The following RGPD2 variants were observed in gnomAD, a reference collection of about 807,000 sequenced individuals.
RGPD2 encodes the protein RANBP2-like and GRIP domain-containing protein 2.
A neutral mutation model predicts 36.0 loss-of-function variants in RGPD2; 2 were observed. The observed-to-expected ratio is 0.06, with a 90% CI of 0.02 to 0.17. RGPD2 has a LOEUF of 0.17. Among genes scored for constraint, RGPD2 ranks in the 10% least tolerant of loss-of-function variants. The pLI, the probability that RGPD2 is intolerant of heterozygous loss-of-function variation, is 1.00. For synonymous variants in RGPD2, 19 were observed against 163.8 expected, an observed-to-expected ratio of 0.12 and a Z score of 6.75; for missense variants, 40 against 464.3, an observed-to-expected ratio of 0.09 and a Z score of 8.40.
rs1205005326 is a variant in RGPD2 at position 87,756,294 on chromosome 2, T to C, written c.*1098A>G. The stretch of plus-strand genomic sequence containing the variant: ...AACCATTTACAGTAGACCACAATTT[T>C]ATAGTCCTGTTTGGCACTTTTTCAT... On this transcript the variant is annotated 3_prime_UTR_variant, in exon 23 of 23. Coordinates refer to ENST00000398146, the MANE Select transcript of RGPD2 (RefSeq NM_001078170.3). 1 of 66,058 alleles carries C rather than the reference T, an allele frequency of 1.5e-5. No individual in the cohort carries two copies. Among genetic ancestry groups the C allele is most frequent in the Non-Finnish European group, 3.0e-5 (1 of 32,944 alleles). The allele number at this position is 66,058 out of a possible 1,614,324, so 4.1% of individuals were successfully genotyped here.
chr2:87,877,565 A>G, the RGPD2 span, among the ~76,000 whole-genome samples: 1 of 152,218 alleles, frequency 6.6e-6, no homozygotes, highest in Non-Finnish European at 1.5e-5. Context: ...GCACTTTGGG[A>G]GGCCGAGGAG....
chr2:87,883,251 G>C, the RGPD2 span, among the ~76,000 whole-genome samples: 1 of 151,320 alleles, frequency 6.6e-6, no homozygotes, highest in African/African-American at 2.4e-5. Flanking sequence ...GAAATAGCTT[G>C]TTACAAGTAT....
the RGPD2 span, among the ~76,000 whole-genome samples, chr2:87,919,148 G>T: frequency 6.6e-6 from 1 of 151,884 alleles, no homozygotes; most frequent in Non-Finnish European, 1.5e-5. Flanking sequence ...TTATTAAACA[G>T]AAATACCAAA....
At chr2:87,885,220 T>A in the RGPD2 span, among the ~76,000 whole-genome samples, 1 of 152,110 alleles carries the variant, frequency 6.6e-6, no homozygotes, top group Non-Finnish European at 1.5e-5. Flanking sequence ...ATAAATGTGA[T>A]ATGTCACATC....
chr2:87,839,541 A>G, the RGPD2 span, among the ~76,000 whole-genome samples: 1 of 152,070 alleles, frequency 6.6e-6, no homozygotes, highest in Non-Finnish European at 1.5e-5. Context: ...TCAGTGGAGG[A>G]CTGGATAAAG....
chr2:87,861,134 G>GT, the RGPD2 span, among the ~76,000 whole-genome samples: 2,150 of 116,322 alleles, frequency 0.018, 13 homozygotes, highest in African/African-American at 0.056. Context: ...TTGTGTAAGT[G>GT]TTTTTTTTTT....
At chr2:87,890,918 TC>T in the RGPD2 span, among the ~76,000 whole-genome samples, 1 of 63,938 alleles carries the variant, frequency 1.6e-5, no homozygotes, top group Non-Finnish European at 3.0e-5. Context: ...TTGAGTTTTT[TC>T]CTGTTTCTAG....
intron 8 of RGPD2, among the ~76,000 whole-genome samples, chr2:87,798,628 G>A (rs1685778341): frequency 1.2e-5 from 1 of 86,298 alleles, no homozygotes; most frequent in Non-Finnish European, 2.5e-5. Context: ...GGCCAAGCTG[G>A]GTGGATAATG....
intron 21 of RGPD2, among the ~76,000 whole-genome samples, chr2:87,772,857 A>T (rs2104256963): frequency 6.6e-6 from 1 of 150,912 alleles, no homozygotes; most frequent in South Asian, 2.1e-4. Flanking sequence ...CATCCTGTGT[A>T]AATACTGGAG....
At chr2:87,866,878 C>G in the RGPD2 span, among the ~76,000 whole-genome samples, 1 of 152,270 alleles carries the variant, frequency 6.6e-6, no homozygotes, top group East Asian at 1.9e-4. Context: ...GTCTTTCCTC[C>G]CCGGGCGAGA....
chr2:87,842,229 G>A, the RGPD2 span, among the ~76,000 whole-genome samples: 1 of 151,264 alleles, frequency 6.6e-6, no homozygotes, highest in African/African-American at 2.4e-5. Flanking sequence ...GCAGGAGAAG[G>A]AAATAAAGGG....
chr2:87,809,512 C>G (rs1686080942), intron 6 of RGPD2, among the ~76,000 whole-genome samples: 1 of 131,430 alleles, frequency 7.6e-6, no homozygotes, highest in Non-Finnish European at 1.7e-5. Flanking sequence ...ACTAAAAATA[C>G]AAAAAAATTA....
chr2:87,829,503 C>CA (rs565291092), upstream of RGPD2, among the ~76,000 whole-genome samples: 593 of 152,138 alleles, frequency 3.9e-3, 1 homozygote, highest in Non-Finnish European at 6.5e-3. Flanking sequence ...TTTAAAAAAA[C>CA]AAAAAAACAG....
At chr2:87,984,138 CCATT>C in the RGPD2 span, among the ~76,000 whole-genome samples, 1 of 149,720 alleles carries the variant, frequency 6.7e-6, no homozygotes, top group Non-Finnish European at 1.5e-5. Flanking sequence ...TTTGAAAAAA[CCATT>C]CCCATTTACT....
the RGPD2 span, among the ~76,000 whole-genome samples, chr2:87,978,297 T>C: frequency 6.8e-6 from 1 of 147,602 alleles, no homozygotes; most frequent in Non-Finnish European, 1.5e-5. Context: ...TACAAGTTGA[T>C]AAAGATTTGA....
the RGPD2 span, chr2:87,986,005 G>A: frequency 1.3e-4 from 109 of 843,934 alleles, 2 homozygotes; most frequent in South Asian, 1.4e-3. Flanking sequence ...CTTCTACTAT[G>A]TAAAGGCCAA....
At chr2:87,846,461 G>A in the RGPD2 span, among the ~76,000 whole-genome samples, 1 of 151,984 alleles carries the variant, frequency 6.6e-6, no homozygotes, top group Non-Finnish European at 1.5e-5. Context: ...TGGATGTGAT[G>A]TGAACCCCAA....
the RGPD2 span, among the ~76,000 whole-genome samples, chr2:87,884,998 G>T: frequency 6.9e-4 from 105 of 152,138 alleles, no homozygotes; most frequent in African/African-American, 2.4e-3. Context: ...AAGAAAAACT[G>T]CAGGCTAATA....
the RGPD2 span, among the ~76,000 whole-genome samples, chr2:87,913,469 A>G: frequency 1.1e-4 from 16 of 151,576 alleles, no homozygotes; most frequent in Non-Finnish European, 1.0e-4. Flanking sequence ...GGTGCAGCAC[A>G]CCAACATGGC....
Sources: gnomAD v4.1 joint callset for allele counts (sites outside exome capture counted in the v4.1 genomes callset) on GRCh38, gnomAD v4.1.1 for gene constraint, MANE v1.5 for transcripts, NCBI Gene and HGNC (gene_info 2026-07-23, HGNC 2026-07-21) for gene names.